The following PLCL2 variants were observed in gnomAD, a reference collection of about 807,000 sequenced individuals.
The protein encoded by PLCL2 is inactive phospholipase C-like protein 2.
PLCL2 carries 4 observed loss-of-function variants against 79.6 expected under a neutral mutation model. That is an observed-to-expected ratio of 0.05 (90% CI 0.02 to 0.11). The LOEUF (loss-of-function observed/expected upper bound fraction) is 0.11. Among genes scored for constraint, PLCL2 ranks in the 10% least tolerant of loss-of-function variants. PLCL2 has a pLI of 1.00. For synonymous variants in PLCL2, 484 were observed against 457.7 expected (o/e 1.06, Z -0.73); for missense variants, 895 against 1,291.0 (o/e 0.69, Z 4.70).
At chr3:16,965,062 T>G (rs996543052) in intron 1 of PLCL2, among the ~76,000 whole-genome samples, 1 of 151,936 alleles carries the variant, frequency 6.6e-6, no homozygotes, top group African/African-American at 2.4e-5. Context: ...TTGTTGCCAT[T>G]GCTTTTGGTG....
chr3:16,987,893 A>C (rs1434116225), intron 1 of PLCL2, among the ~76,000 whole-genome samples: 1 of 152,220 alleles, frequency 6.6e-6, no homozygotes, highest in East Asian at 1.9e-4. Context: ...AAGTAAATGT[A>C]ATAATTTAAA....
intron 1 of PLCL2, among the ~76,000 whole-genome samples, chr3:16,891,474 T>G (rs1035219134): frequency 5.9e-5 from 9 of 152,228 alleles, no homozygotes; most frequent in African/African-American, 2.2e-4. Context: ...AGAATGTGCC[T>G]AGGGAAATTT....
chr3:17,018,069 C>A (rs1004366238), intron 3 of PLCL2, among the ~76,000 whole-genome samples: 35 of 152,178 alleles, frequency 2.3e-4, no homozygotes, highest in African/African-American at 8.4e-4. Context: ...AATTCACACA[C>A]CTCCTTAGAC....
In PLCL2 at chr3:16,894,122, AT is replaced by A. The variant is rs1028029082; in HGVS notation, c.327+8762del. Among the ~76,000 whole-genome samples, 7 of 152,158 alleles carry A rather than the reference AT, an allele frequency of 4.6e-5. No individual in the cohort carries two copies. The East Asian group carries it at 1.4e-3, about 29-fold the overall frequency. ...TCCATATGGTTTCCTGCTACCTTTT[AT>A]TTTTTATTCTAAACTCTGATATTCT... On this transcript the variant is annotated intron_variant, in intron 1 of 5. Coordinates refer to ENST00000615277, the MANE Select transcript of PLCL2 (RefSeq NM_001144382.2).
chr3:16,935,446 C>G (rs900541322), intron 1 of PLCL2, among the ~76,000 whole-genome samples: 3 of 152,138 alleles, frequency 2.0e-5, no homozygotes, highest in Non-Finnish European at 4.4e-5. Flanking sequence ...AATTCTTCCT[C>G]AACCCCAGGT....
chr3:16,942,890 G>T (rs570383336), intron 1 of PLCL2, among the ~76,000 whole-genome samples: 1 of 152,328 alleles, frequency 6.6e-6, no homozygotes, highest in African/African-American at 2.4e-5. Context: ...ATCTAAAAAT[G>T]ATAGTGTTCC....
In PLCL2 at chr3:16,998,221, G is replaced by A. The variant is rs543095929; in HGVS notation, c.328-11453G>A. Among the ~76,000 whole-genome samples the A allele has an allele frequency of 9.2e-5, 14 of 152,062 alleles. No homozygotes were observed. The East Asian group carries it at 1.7e-3, about 19-fold the overall frequency. ...ATAATTTTTTTTTCAAAGTTATCCT[G>A]AAATAGTGAAGAACCAGCACAGTGT... On this transcript the variant is annotated intron_variant, in intron 1 of 5. Coordinates refer to ENST00000615277, the MANE Select transcript of PLCL2 (RefSeq NM_001144382.2).
In PLCL2 at chr3:17,004,644, T is replaced by C. The variant is rs182921687; in HGVS notation, c.328-5030T>C. Among the ~76,000 whole-genome samples, 436 of 152,288 alleles carry C rather than the reference T, an allele frequency of 2.9e-3. 1 individual carries two copies. The highest frequency in any genetic ancestry group is 4.9e-3 in the Admixed American group (75 of 15,280). ...AGAGCACATCAAAGTTTTAAAGATG[T>C]GTGAAAAACTTTGCAGGGTAGCCCT... On this transcript the variant is annotated intron_variant, in intron 1 of 5. Transcript: ENST00000615277.
At position 17,090,069 on chromosome 3, in the gene PLCL2, T is replaced by C; in HGVS notation, c.*157T>C. On this transcript the variant is annotated 3_prime_UTR_variant, in exon 6 of 6. Transcript: ENST00000615277. ...AGTCTATTAAAACTGTGAATGTATG[T>C]AGCAATCCTGCGTGTGAAGGCAAAT... 1 of 1,355,238 alleles carries C rather than the reference T, an allele frequency of 7.4e-7. No homozygotes were observed. The highest frequency in any genetic ancestry group is 9.5e-7 in the Non-Finnish European group (1 of 1,052,990). The allele number at this position is 1,355,238 out of a possible 1,614,324, so 84.0% of individuals were successfully genotyped here. A position where few individuals can be genotyped will look rare whatever the true frequency, so the allele number is the denominator to read the frequency against.
chr3:17,059,909 C>T (rs1024887328), intron 4 of PLCL2, among the ~76,000 whole-genome samples: 1 of 152,156 alleles, frequency 6.6e-6, no homozygotes, highest in Non-Finnish European at 1.5e-5. Context: ...TCTGCAGTCA[C>T]GAGGGCCTTG....
chr3:17,031,816 A>G (rs564519395), intron 3 of PLCL2, among the ~76,000 whole-genome samples: 100 of 152,262 alleles, frequency 6.6e-4, no homozygotes, highest in African/African-American at 2.3e-3. Context: ...AGCATAATAA[A>G]TTACCACATA....
At chr3:17,034,227 G>A (rs897639694) in intron 3 of PLCL2, among the ~76,000 whole-genome samples, 4 of 152,156 alleles carry the variant, frequency 2.6e-5, no homozygotes, top group Non-Finnish European at 4.4e-5. Flanking sequence ...CAGGGTTTCA[G>A]TGTGAGTGAG....
chr3:16,965,961 A>T (rs1157875535), intron 1 of PLCL2, among the ~76,000 whole-genome samples: 1 of 152,206 alleles, frequency 6.6e-6, no homozygotes, highest in South Asian at 2.1e-4. Flanking sequence ...TGTCATCTGC[A>T]AACAGGGACA....
intron 1 of PLCL2, among the ~76,000 whole-genome samples, chr3:16,947,393 G>C: frequency 6.6e-6 from 1 of 152,156 alleles, no homozygotes; most frequent in African/African-American, 2.4e-5. Flanking sequence ...GAGAAGCGAT[G>C]GTGCAGTTGT....
intron 4 of PLCL2, among the ~76,000 whole-genome samples, chr3:17,066,207 T>G (rs531574910): frequency 1.3e-5 from 2 of 152,176 alleles, no homozygotes; most frequent in South Asian, 4.2e-4. Flanking sequence ...AAAGAAAAGT[T>G]GGAGAAAAGG....
intron 5 of PLCL2, among the ~76,000 whole-genome samples, chr3:17,089,413 A>G (rs886788426): frequency 6.6e-6 from 1 of 152,200 alleles, no homozygotes; most frequent in African/African-American, 2.4e-5. Context: ...AAGGGAAAAA[A>G]CAAGATTGGC....
intron 1 of PLCL2, among the ~76,000 whole-genome samples, chr3:16,971,246 G>A (rs984252905): frequency 1.8e-4 from 27 of 151,950 alleles, no homozygotes; most frequent in Non-Finnish European, 2.9e-4. Context: ...TGTATAAGGT[G>A]TAAGGAAGGG....
At chr3:16,906,927 C>A (rs543359309) in intron 1 of PLCL2, among the ~76,000 whole-genome samples, 2 of 152,270 alleles carry the variant, frequency 1.3e-5, no homozygotes, top group Admixed American at 6.5e-5. Flanking sequence ...TTGGGGAAGG[C>A]CCTGTGGTAA....
At chr3:16,920,716 T>C (rs1226407777) in intron 1 of PLCL2, among the ~76,000 whole-genome samples, 1 of 152,176 alleles carries the variant, frequency 6.6e-6, no homozygotes, top group African/African-American at 2.4e-5. Context: ...TCTTCTCATT[T>C]AACCATAGGC....
Sources: gnomAD v4.1 joint callset for allele counts (sites outside exome capture counted in the v4.1 genomes callset) on GRCh38, gnomAD v4.1.1 for gene constraint, MANE v1.5 for transcripts, NCBI Gene and HGNC (gene_info 2026-07-23, HGNC 2026-07-21) for gene names.